The following HNMT variants were observed in gnomAD, a reference collection of about 807,000 sequenced individuals.
HNMT encodes the protein histamine N-methyltransferase.
Under a neutral mutation model 32.1 loss-of-function variants are expected in HNMT, and 30 were observed. The observed-to-expected ratio is 0.93, with a 90% CI of 0.70 to 1.27. The LOEUF is 1.27. HNMT is among the 50% of genes most tolerant of loss of function. The probability of loss-of-function intolerance (pLI) is 0.00; values close to 1 mark genes in which losing one functional copy is unlikely to be tolerated. For synonymous variants in HNMT, 125 were observed against 119.0 expected (o/e 1.05, Z -0.33); for missense variants, 327 against 346.0 (o/e 0.95, Z 0.43).
chr2:138,012,645 A>T (rs1681541949), intron 5 of HNMT, among the ~76,000 whole-genome samples: 1 of 152,098 alleles, frequency 6.6e-6, no homozygotes, highest in South Asian at 2.1e-4. Context: ...TCCAGTAGGT[A>T]TCTCAAATTT....
chr2:137,966,513 T>G (rs1476683018), intron 1 of HNMT, among the ~76,000 whole-genome samples: 1 of 152,220 alleles, frequency 6.6e-6, no homozygotes, highest in Non-Finnish European at 1.5e-5. Context: ...AGTGTTTATG[T>G]TATTTTGCCT....
chr2:137,993,476 G>GA (rs1336638787), intron 2 of HNMT, among the ~76,000 whole-genome samples: 1 of 151,902 alleles, frequency 6.6e-6, no homozygotes, highest in Non-Finnish European at 1.5e-5. Context: ...CAAGACTAGA[G>GA]AAAAAAGAAT....
chr2:137,983,468 C>CA (rs111980791), intron 2 of HNMT, among the ~76,000 whole-genome samples: 3 of 150,780 alleles, frequency 2.0e-5, no homozygotes, highest in Non-Finnish European at 3.0e-5. Flanking sequence ...TTGTAGGGAA[C>CA]AAAAAAAAAT....
At chr2:138,001,937 A>T in intron 3 of HNMT, 127 bp from the exon 4 acceptor site, 2 of 639,312 alleles carry the variant, frequency 3.1e-6, no homozygotes, top group Non-Finnish European at 4.8e-6. Flanking sequence ...TCTCCCAGAC[A>T]TAAGAAAGAA....
chr2:138,013,001 T>G (rs1382812924), intron 5 of HNMT, among the ~76,000 whole-genome samples: 1 of 152,090 alleles, frequency 6.6e-6, no homozygotes, highest in Non-Finnish European at 1.5e-5. Context: ...CAGGGTGACC[T>G]TATTAAATGT....
At chr2:137,990,932 C>T (rs2104957257) in intron 2 of HNMT, among the ~76,000 whole-genome samples, 1 of 152,200 alleles carries the variant, frequency 6.6e-6, no homozygotes, top group Middle Eastern at 3.4e-3. Context: ...AGGGCTCAGT[C>T]CCACAAAACT....
chr2:138,005,562 G>A (rs182481862), intron 5 of HNMT, among the ~76,000 whole-genome samples: 21 of 151,942 alleles, frequency 1.4e-4, no homozygotes, highest in Admixed American at 4.6e-4. Context: ...TACCTACTTC[G>A]TGTCATTTGA....
intron 2 of HNMT, among the ~76,000 whole-genome samples, chr2:137,984,203 T>G (rs1680584391): frequency 6.6e-6 from 1 of 152,240 alleles, no homozygotes; most frequent in Admixed American, 6.5e-5. Flanking sequence ...TGAGAATTTC[T>G]TTGGATTATG....
At chr2:137,996,276 C>A (rs1362460509) in intron 2 of HNMT, among the ~76,000 whole-genome samples, 1 of 152,176 alleles carries the variant, frequency 6.6e-6, no homozygotes, top group African/African-American at 2.4e-5. Flanking sequence ...AAAACCCCAT[C>A]ATCTCAGCCT....
At chr2:138,010,927 AAGG>A (rs1327141848) in intron 5 of HNMT, among the ~76,000 whole-genome samples, 1 of 152,088 alleles carries the variant, frequency 6.6e-6, no homozygotes, top group East Asian at 1.9e-4. Context: ...GATGAGCCAG[AAGG>A]AGATCACTGA....
chr2:137,969,381 G>C (rs1051205083), intron 1 of HNMT, among the ~76,000 whole-genome samples: 31 of 152,064 alleles, frequency 2.0e-4, no homozygotes, highest in African/African-American at 7.2e-4. Context: ...TCTCCTCCCA[G>C]CTTAAATCTT....
At chr2:138,007,880 A>G (rs1681375370) in intron 5 of HNMT, among the ~76,000 whole-genome samples, 1 of 151,844 alleles carries the variant, frequency 6.6e-6, no homozygotes, top group African/African-American at 2.4e-5. Flanking sequence ...CTCTTGCTCA[A>G]TCTGGACACA....
intron 2 of HNMT, among the ~76,000 whole-genome samples, chr2:137,978,096 C>A (rs1467897846): frequency 1.3e-4 from 20 of 151,936 alleles, no homozygotes; most frequent in Non-Finnish European, 1.5e-5. Context: ...TTAAAAATAT[C>A]ATCAGAGATC....
At chr2:138,000,170 T>C (rs1051395611) in intron 2 of HNMT, among the ~76,000 whole-genome samples, 3 of 152,178 alleles carry the variant, frequency 2.0e-5, no homozygotes, top group African/African-American at 4.8e-5. Flanking sequence ...TGTGCATCTG[T>C]CATCTTGTCC....
At chr2:138,004,417 T>C (rs1681271916) in intron 4 of HNMT, among the ~76,000 whole-genome samples, 1 of 152,018 alleles carries the variant, frequency 6.6e-6, no homozygotes, top group Non-Finnish European at 1.5e-5. Context: ...GAAGATGAGA[T>C]ATAAGAAGTG....
In HNMT at chr2:138,015,442, C is replaced by T. The variant is rs1681635530; in HGVS notation, c.*1312C>T. 5 of 152,040 alleles carry T rather than the reference C, an allele frequency of 3.3e-5. No homozygotes were observed. The highest frequency in any genetic ancestry group is 2.1e-4 in the South Asian group (1 of 4,826). The allele number at this position is 152,040 out of a possible 1,614,324, so 9.4% of individuals were successfully genotyped here. On this transcript the variant is annotated 3_prime_UTR_variant, in exon 6 of 6. Coordinates refer to ENST00000280097, the MANE Select transcript of HNMT (RefSeq NM_006895.3). The stretch of plus-strand genomic sequence containing the variant: ...CGTATAATCACTTTAAAAAGTTAAA[C>T]GACCCATCTCAATCACCTAGTTTAT...
chr2:137,987,260 C>A (rs1680676307), intron 2 of HNMT, among the ~76,000 whole-genome samples: 1 of 152,076 alleles, frequency 6.6e-6, no homozygotes, highest in South Asian at 2.1e-4. Flanking sequence ...CATGAGAGGT[C>A]ACATGTGGGA....
intron 2 of HNMT, among the ~76,000 whole-genome samples, chr2:137,998,578 A>G (rs1681065028): frequency 6.6e-6 from 1 of 152,176 alleles, no homozygotes; most frequent in African/African-American, 2.4e-5. Context: ...AATCCAGCAC[A>G]CATGAGCTTA....
At chr2:137,983,016 G>T (rs533755953) in intron 2 of HNMT, among the ~76,000 whole-genome samples, 1 of 152,090 alleles carries the variant, frequency 6.6e-6, no homozygotes, top group Non-Finnish European at 1.5e-5. Flanking sequence ...CGGTGGAGCC[G>T]ATCTCCAAGC....
Sources: gnomAD v4.1 joint callset for allele counts (sites outside exome capture counted in the v4.1 genomes callset) on GRCh38, gnomAD v4.1.1 for gene constraint, MANE v1.5 for transcripts, NCBI Gene and HGNC (gene_info 2026-07-23, HGNC 2026-07-21) for gene names.